Variants in MACROD2 observed in about 807,000 individuals in gnomAD.
MACROD2 encodes the protein ADP-ribose glycohydrolase MACROD2.
In MACROD2, 36 loss-of-function variants were observed where a neutral mutation model predicts 70.4. That is an observed-to-expected ratio of 0.51 (90% CI 0.39 to 0.68). The LOEUF (loss-of-function observed/expected upper bound fraction) is 0.68, where lower values mean the gene tolerates loss of function less well. MACROD2 is among the 30% of genes least tolerant of loss of function. The probability of loss-of-function intolerance (pLI) is 0.00; values close to 1 mark genes in which losing one functional copy is unlikely to be tolerated. For synonymous variants in MACROD2, 172 were observed against 178.8 expected (o/e 0.96, Z 0.30); for missense variants, 496 against 538.4 (o/e 0.92, Z 0.78).
chr20:14,462,509 C>A (rs1178064964), intron 3 of MACROD2, among the ~76,000 whole-genome samples: 4 of 151,940 alleles, frequency 2.6e-5, no homozygotes. Flanking sequence ...ATGGTAGTTT[C>A]TTTTGCTGTG....
chr20:14,642,399 A>T (rs1985145373), intron 4 of MACROD2, among the ~76,000 whole-genome samples: 1 of 152,164 alleles, frequency 6.6e-6, no homozygotes, highest in African/African-American at 2.4e-5. Flanking sequence ...AGCACTTATA[A>T]TTTCCTTCAG....
intron 2 of MACROD2, among the ~76,000 whole-genome samples, chr20:14,073,054 G>A (rs1463298561): frequency 6.6e-6 from 1 of 151,992 alleles, no homozygotes; most frequent in Non-Finnish European, 1.5e-5. Flanking sequence ...GAGATTACGC[G>A]GCTGGGCATA....
intron 6 of MACROD2, among the ~76,000 whole-genome samples, chr20:15,268,451 AC>A (rs2077316324): frequency 1.3e-5 from 2 of 152,104 alleles, no homozygotes; most frequent in African/African-American, 4.8e-5. Context: ...GGAGTTCAAG[AC>A]CCAGCCTGGC....
chr20:15,165,515 C>T (rs1230174323), intron 5 of MACROD2, among the ~76,000 whole-genome samples: 1 of 152,140 alleles, frequency 6.6e-6, no homozygotes, highest in Non-Finnish European at 1.5e-5. Flanking sequence ...CAAATAGGAT[C>T]CTTGGGGAAA....
intron 5 of MACROD2, among the ~76,000 whole-genome samples, chr20:14,947,532 A>G (rs2074442394): frequency 6.6e-6 from 1 of 152,284 alleles, no homozygotes; most frequent in South Asian, 2.1e-4. Flanking sequence ...ATGGTAACTA[A>G]TAGTAATAAT....
intron 8 of MACROD2, among the ~76,000 whole-genome samples, chr20:15,691,813 C>T (rs1473389230): frequency 6.6e-6 from 1 of 152,150 alleles, no homozygotes; most frequent in East Asian, 1.9e-4. Context: ...TAATTTCTGA[C>T]CGCTTTATCC....
At chr20:15,487,206 T>A (rs910744927) in intron 7 of MACROD2, among the ~76,000 whole-genome samples, 1 of 152,158 alleles carries the variant, frequency 6.6e-6, no homozygotes, top group Non-Finnish European at 1.5e-5. Flanking sequence ...CAAATTCAGA[T>A]GGCAAAGATA....
rs1051116526 is a variant in MACROD2, at chr20:14,301,688, A to G, written c.272-191791A>G. On this transcript the variant is annotated intron_variant, in intron 3 of 17. Coordinates refer to ENST00000684519, the MANE Select transcript of MACROD2 (RefSeq NM_001351661.2). ...AAAATAGAGTGTTTTTATTCTACCA[A>G]TGATTTAAACTAGAAAATTATTATT... Among the ~76,000 whole-genome samples, 9 of 152,152 alleles carry G rather than the reference A, an allele frequency of 5.9e-5. No homozygotes were observed. In the East Asian group the frequency reaches 7.7e-4, roughly 13 times the overall value.
chr20:14,084,085 A>AAT (rs2054041735), intron 2 of MACROD2, among the ~76,000 whole-genome samples: 1 of 148,300 alleles, frequency 6.7e-6, no homozygotes, highest in Non-Finnish European at 1.5e-5. Flanking sequence ...AAACAAACAA[A>AAT]AAAAAACCTT....
At chr20:15,104,693 T>G (rs1242499400) in intron 5 of MACROD2, among the ~76,000 whole-genome samples, 4 of 152,154 alleles carry the variant, frequency 2.6e-5, no homozygotes, top group African/African-American at 9.6e-5. Context: ...CCTGCAGGAC[T>G]GGGCTTTTTC....
At chr20:14,068,627 T>G (rs186173297) in intron 2 of MACROD2, among the ~76,000 whole-genome samples, 2 of 151,876 alleles carry the variant, frequency 1.3e-5, no homozygotes, top group Non-Finnish European at 2.9e-5. Context: ...TAGTTAGGAG[T>G]ACCAGAGGGC....
intron 12 of MACROD2, among the ~76,000 whole-genome samples, chr20:15,960,879 G>A (rs1025557791): frequency 5.9e-5 from 9 of 152,104 alleles, no homozygotes; most frequent in African/African-American, 1.9e-4. Context: ...TAGCTTGCAT[G>A]GGCTGTTTTT....
At chr20:15,948,493 T>C (rs1601193261) in intron 12 of MACROD2, among the ~76,000 whole-genome samples, 1 of 150,766 alleles carries the variant, frequency 6.6e-6, no homozygotes, top group Non-Finnish European at 1.5e-5. Context: ...TTTACTATGA[T>C]TAAGATTCCT....
intron 5 of MACROD2, among the ~76,000 whole-genome samples, chr20:14,996,918 TAAATTTGAAATAAATTTGCCTTTCAAAA>T (rs1282440742): frequency 6.6e-6 from 1 of 152,208 alleles, no homozygotes; most frequent in African/African-American, 2.4e-5. Flanking sequence ...GCCTTTCAGA[TAAATTTGAAATAAATTTGCCTTTCAAAA>T]AAATTTGAAA....
intron 6 of MACROD2, among the ~76,000 whole-genome samples, chr20:15,346,459 C>T (rs922432994): frequency 1.3e-5 from 2 of 152,102 alleles, no homozygotes; most frequent in African/African-American, 4.8e-5. Context: ...CAAAAGTATA[C>T]AGTGAACAGC....
chr20:15,279,366 A>G (rs2077422936), intron 6 of MACROD2, among the ~76,000 whole-genome samples: 1 of 152,138 alleles, frequency 6.6e-6, no homozygotes, highest in African/African-American at 2.4e-5. Flanking sequence ...GCTACTTTCT[A>G]CAGAAGCCAT....
chr20:15,550,951 A>G (rs1375471896), intron 8 of MACROD2, among the ~76,000 whole-genome samples: 1 of 152,202 alleles, frequency 6.6e-6, no homozygotes, highest in Non-Finnish European at 1.5e-5. Flanking sequence ...AAAATTTGGA[A>G]TGGGTTAAAA....
At chr20:15,562,369 A>G (rs182028074) in intron 8 of MACROD2, among the ~76,000 whole-genome samples, 3 of 152,180 alleles carry the variant, frequency 2.0e-5, no homozygotes, top group Non-Finnish European at 2.9e-5. Flanking sequence ...ATTAGTATGA[A>G]AAGTCCCATT....
intron 15 of MACROD2, among the ~76,000 whole-genome samples, chr20:15,999,115 T>G (rs2066674325): frequency 6.6e-6 from 1 of 152,152 alleles, no homozygotes; most frequent in East Asian, 1.9e-4. Flanking sequence ...TTTCTTAATG[T>G]AGGCATTCAT....
Sources: allele counts gnomAD v4.1 joint callset (sites outside exome capture counted in the v4.1 genomes callset), GRCh38; gene constraint gnomAD v4.1.1; transcripts MANE v1.5; gene names NCBI Gene and HGNC (gene_info 2026-07-23, HGNC 2026-07-21).